Variants in ZNF264 observed in about 807,000 individuals in gnomAD.
The protein encoded by ZNF264 is zinc finger protein 264.
A neutral mutation model predicts 11.2 loss-of-function variants in ZNF264; 11 were observed. That is an observed-to-expected ratio of 0.98 (90% CI 0.62 to 1.63). The LOEUF is 1.63. Ranked by LOEUF, ZNF264 falls within the 40% of genes most tolerant of loss-of-function variation. ZNF264 has a pLI of 0.00. For missense variants in ZNF264, 752 were observed against 768.1 expected (o/e 0.98, Z 0.25); for synonymous variants, 309 against 279.8 (o/e 1.10, Z -1.04).
chr19:57,199,471 A>G (rs1157906673), intron 2 of ZNF264, among the ~76,000 whole-genome samples: 1 of 151,854 alleles, frequency 6.6e-6, no homozygotes, highest in African/African-American at 2.4e-5. Flanking sequence ...CTCACCCATG[A>G]TGGGCCATCT....
In ZNF264 at chr19:57,193,951, C is replaced by T; in HGVS notation, c.110C>T (p.Thr37Ile). 1 of 1,613,960 alleles carries T rather than the reference C, an allele frequency of 6.2e-7. No individual in the cohort carries two copies. Among genetic ancestry groups the T allele is most frequent in the Non-Finnish European group, 8.5e-7 (1 of 1,179,908 alleles). The change falls in exon 2 of 4, where the codon ACC (threonine) becomes ATC (isoleucine). Residue 37 changes from threonine to isoleucine, a missense_variant. Transcript: ENST00000263095. ...GGGCAGCTGGACCTAGCTCAGCGGA[C>T]CCTGTACCAGGAGGTGATGCTGGAA... ...EWGQLDLAQR[T>I]LYQEVMLENC...
intron 2 of ZNF264, among the ~76,000 whole-genome samples, chr19:57,197,953 C>T (rs1389633880): frequency 1.3e-5 from 2 of 151,948 alleles, no homozygotes; most frequent in Non-Finnish European, 2.9e-5. Context: ...GGCATAATGT[C>T]ATAAATGTAA....
chr19:57,193,642 C>T (rs1482575139), intron 1 of ZNF264: 2 of 777,174 alleles, frequency 2.6e-6, no homozygotes, highest in Non-Finnish European at 3.1e-6. Context: ...AAGTTGTTTC[C>T]GTTGTCCTGT....
chr19:57,194,720 G>C (rs148088229), intron 2 of ZNF264: 11,231 of 398,872 alleles, frequency 0.028, 214 homozygotes, highest in Middle Eastern at 0.056. Context: ...TTAAGGGGGG[G>C]GTCTGCCTTT....
chr19:57,212,886 G>A lies in ZNF264; in HGVS notation c.1789G>A (p.Val597Ile). The A allele has an allele frequency of 1.2e-6, 2 of 1,614,198 alleles. No homozygotes were observed. The highest frequency in any genetic ancestry group is 3.3e-4 in the Middle Eastern group (2 of 6,062). The change falls in exon 4 of 4, where the codon GTA (valine) becomes ATA (isoleucine). Residue 597 changes from valine to isoleucine, a missense_variant. Physicochemically the swap from Val to Ile is conservative, Grantham distance 29. Transcript: ENST00000263095. ...ELLLGKDFLN[V>I]TTEANILPEE... is the part of the protein sequence containing the mutation. Reference sequence around the variant, plus strand: ...TCTTTTAGGGAAGGACTTTTTGAATGTAACCACTGAGGCAAATATTTTGCC... The same window carrying A: ...TCTTTTAGGGAAGGACTTTTTGAATATAACCACTGAGGCAAATATTTTGCC...
At position 57,212,288 on chromosome 19, in the gene ZNF264, G is replaced by A. The variant is rs137886358; in HGVS notation, c.1191G>A (p.Lys397=). 2 of 1,614,038 alleles carry A rather than the reference G, an allele frequency of 1.2e-6. No homozygotes were observed. The highest frequency in any genetic ancestry group is 1.3e-5 in the African/African-American group (1 of 74,992). Residue 397 remains lysine, a synonymous_variant, in exon 4 of 4, where the codon AAG becomes AAA. Transcript: ENST00000263095. The part of the protein sequence containing the change: ...IHHYVIHTGE[K]PFECLECGKA... Reference sequence around the variant, plus strand: ...ACTATGTCATCCACACTGGAGAGAAGCCCTTTGAGTGCCTCGAGTGTGGGA... The same window carrying A: ...ACTATGTCATCCACACTGGAGAGAAACCCTTTGAGTGCCTCGAGTGTGGGA...
intron 3 of ZNF264, among the ~76,000 whole-genome samples, chr19:57,209,609 G>C (rs1361937735): frequency 6.6e-6 from 1 of 152,062 alleles, no homozygotes; most frequent in Non-Finnish European, 1.5e-5. Flanking sequence ...AAAAGGTCTT[G>C]CTCTGTTGCC....
In ZNF264 at chr19:57,212,479, G is replaced by A. The variant is rs965490514; in HGVS notation, c.1382G>A (p.Gly461Glu). Residue 461 changes from glycine to glutamate, a missense_variant, in exon 4 of 4, where the codon GGG becomes GAG. By Grantham distance (98) the Gly-to-Glu change is moderately conservative (BLOSUM62 -2). Coordinates refer to ENST00000263095, the MANE Select transcript of ZNF264 (RefSeq NM_003417.5). Reference protein sequence around the residue: ...GEKPFECKECGKAFSNRKDLI... With the variant: ...GEKPFECKECEKAFSNRKDLI... The stretch of plus-strand genomic sequence containing the variant: ...AAGCCTTTCGAGTGCAAAGAGTGTG[G>A]GAAAGCCTTTAGCAATCGGAAGGAC... The A allele has an allele frequency of 3.1e-6, 5 of 1,613,804 alleles. No homozygotes were observed. Among genetic ancestry groups the A allele is most frequent in the African/African-American group, 1.3e-5 (1 of 74,824 alleles).
Position 57,191,817 on chromosome 19 carries a change from G to T in ZNF264, c.-97G>T. On this transcript the variant is annotated 5_prime_UTR_variant, in exon 1 of 4. Transcript: ENST00000263095. ...GAGGCGGCGGCCCCGAGCGCGCCTG[G>T]AAGCCCCGGGCAACCGGCCAGGGTC... The T allele has an allele frequency of 9.6e-7, 1 of 1,043,722 alleles. No homozygotes were observed. Among genetic ancestry groups the T allele is most frequent in the Non-Finnish European group, 1.2e-6 (1 of 811,018 alleles). 64.7% of individuals were successfully genotyped at this position (1,043,722 alleles called of 1,614,324 possible).
At chr19:57,194,532 G>A (rs1320324316) in intron 2 of ZNF264, among the ~76,000 whole-genome samples, 6 of 152,202 alleles carry the variant, frequency 3.9e-5, no homozygotes, top group Non-Finnish European at 1.5e-5. Context: ...GAGGAGCAAG[G>A]AAGCCAGTCC....
At chr19:57,195,183 A>T (rs2087203348) in intron 2 of ZNF264, among the ~76,000 whole-genome samples, 1 of 152,254 alleles carries the variant, frequency 6.6e-6, no homozygotes, top group Non-Finnish European at 1.5e-5. Flanking sequence ...GCTTAACATA[A>T]TACAAGTATC....
rs1222621182 is a variant in ZNF264, at chr19:57,217,474, G to A, written c.*4493G>A. 2.0e-5 allele frequency: 3 copies of A among 152,062 alleles called. No homozygotes were observed. Among genetic ancestry groups the A allele is most frequent in the African/African-American group, 4.8e-5 (2 of 41,374 alleles). 9.4% of individuals were successfully genotyped at this position (152,062 alleles called of 1,614,324 possible). On this transcript the variant is annotated 3_prime_UTR_variant, in exon 4 of 4. Transcript: ENST00000263095. The stretch of plus-strand genomic sequence containing the variant: ...ACTCTGTCACCCACGCTGGAGTGCT[G>A]TGATGCGATCTCGGCTCTCTGCAAC...
In ZNF264 at chr19:57,213,368, T is replaced by TTA; in HGVS notation, c.*387_*388insTA. The TTA allele has an allele frequency of 5.9e-6, 1 of 168,880 alleles. No homozygotes were observed. Among genetic ancestry groups the TTA allele is most frequent in the South Asian group, 1.5e-4 (1 of 6,768 alleles). The allele number at this position is 168,880 out of a possible 1,614,324, so 10.5% of individuals were successfully genotyped here. ...CTATCCAGTGTCAGAACAGTTAGTT[T>TTA]AGGAAAAGTATGCAAACTTTAATCG... On this transcript the variant is annotated 3_prime_UTR_variant, in exon 4 of 4. Coordinates refer to ENST00000263095, the MANE Select transcript of ZNF264 (RefSeq NM_003417.5).
chr19:57,213,966 TTGTG>T lies in ZNF264; in HGVS notation c.*995_*998del. The T allele has an allele frequency of 6.6e-6, 1 of 152,166 alleles. No individual in the cohort carries two copies. The highest frequency in any genetic ancestry group is 1.9e-4 in the East Asian group (1 of 5,184). 9.4% of individuals were successfully genotyped at this position (152,166 alleles called of 1,614,324 possible). ...TTTGCATCCTAGGGTGCTTTTTTGT[TTGTG>T]TGTGTGTGTAATTTGAGTGATTGTA... On this transcript the variant is annotated 3_prime_UTR_variant, in exon 4 of 4. Coordinates refer to ENST00000263095, the MANE Select transcript of ZNF264 (RefSeq NM_003417.5).
intron 3 of ZNF264, among the ~76,000 whole-genome samples, chr19:57,209,675 G>C (rs948270818): frequency 6.6e-6 from 1 of 152,132 alleles, no homozygotes. Flanking sequence ...TTTTGCGGCT[G>C]AAGCAATCCT....
At chr19:57,210,136 T>C (rs1293520714) in intron 3 of ZNF264, among the ~76,000 whole-genome samples, 2 of 152,086 alleles carry the variant, frequency 1.3e-5, no homozygotes, top group Non-Finnish European at 2.9e-5. Flanking sequence ...CATCCTGCAG[T>C]TTCTTTGTAC....
intron 3 of ZNF264, among the ~76,000 whole-genome samples, chr19:57,207,830 G>T (rs1315078560): frequency 6.6e-6 from 1 of 151,634 alleles, no homozygotes; most frequent in Admixed American, 6.6e-5. Flanking sequence ...AGGTTCAAGC[G>T]ATTCTCCTGC....
Position 57,212,753 on chromosome 19 carries a change from G to A in ZNF264, c.1656G>A (p.Ser552=), listed in dbSNP as rs569173108. Residue 552 remains serine, a synonymous_variant, in exon 4 of 4, where the codon TCG becomes TCA. Coordinates refer to ENST00000263095, the MANE Select transcript of ZNF264 (RefSeq NM_003417.5). ...SECGKAFSRS[S]SLTQHQRMHT... is the part of the protein sequence containing the mutation. ...GTGGAAAGGCCTTCAGTCGCAGCTC[G>A]TCCCTCACTCAGCATCAAAGGATGC... is the stretch of plus-strand genomic sequence containing the variant. 2.8e-5 allele frequency: 45 copies of A among 1,614,140 alleles called. No homozygotes were observed. In the South Asian group the frequency reaches 3.2e-4, roughly 11 times the overall value.
At chr19:57,201,816 T>A (rs2087255456) in intron 2 of ZNF264, among the ~76,000 whole-genome samples, 2 of 151,756 alleles carry the variant, frequency 1.3e-5, no homozygotes, top group Admixed American at 6.6e-5. Flanking sequence ...CTCGCAGCCT[T>A]CCCCGGGCAG....
Sources: gnomAD v4.1 joint callset for allele counts (sites outside exome capture counted in the v4.1 genomes callset) on GRCh38, gnomAD v4.1.1 for gene constraint, MANE v1.5 for transcripts, NCBI Gene and HGNC (gene_info 2026-07-23, HGNC 2026-07-21) for gene names.